Variants in IL1R2 observed in about 807,000 individuals in gnomAD.
The protein encoded by IL1R2 is interleukin-1 receptor type 2.
A neutral mutation model predicts 39.5 loss-of-function variants in IL1R2; 46 were observed. The ratio of observed to expected loss-of-function variants is 1.16; its 90% CI spans 0.92 to 1.49. IL1R2 has a LOEUF of 1.49. Among genes scored for constraint, IL1R2 ranks in the 40% most tolerant of loss-of-function variants. The pLI is 0.00. For synonymous variants in IL1R2, 207 were observed against 189.6 expected (o/e 1.09, Z -0.75); for missense variants, 537 against 502.0 (o/e 1.07, Z -0.67).
chr2:101,992,135 AAG>A (rs1275487844), intron 1 of IL1R2, 124 bp downstream of exon 1: 4 of 140,946 alleles, frequency 2.8e-5, no homozygotes, highest in African/African-American at 1.1e-4. Context: ...GGGAAAGGCA[AAG>A]AGAGGCAGAG....
intron 3 of IL1R2, among the ~76,000 whole-genome samples, chr2:102,010,805 A>G (rs1676582916): frequency 6.6e-6 from 1 of 152,188 alleles, no homozygotes; most frequent in Non-Finnish European, 1.5e-5. Context: ...TTTAGTGTAC[A>G]GATCAGTGGC....
chr2:101,998,267 G>T (rs938784600), intron 1 of IL1R2, among the ~76,000 whole-genome samples: 2 of 152,172 alleles, frequency 1.3e-5, no homozygotes, highest in African/African-American at 4.8e-5. Flanking sequence ...AGGGACTGCT[G>T]GTGTCTGCGC....
In IL1R2 at chr2:102,002,713, T is replaced by C. The variant is rs183382512; in HGVS notation, c.-61-5802T>C. 4.0e-3 allele frequency among the ~76,000 whole-genome samples: 616 copies of C among 152,332 alleles called. 4 individuals are homozygous for C. Among genetic ancestry groups the C allele is most frequent in the African/African-American group, 0.014 (583 of 41,530 alleles). On this transcript the variant is annotated intron_variant, in intron 1 of 8. Coordinates refer to ENST00000332549, the MANE Select transcript of IL1R2 (RefSeq NM_004633.4). ...CTAAGTCTATGTCTAGGTCTATGTCTATGTCTATGCCTATGCCTATGTCTA... is the reference window on the plus strand; with the variant it reads ...CTAAGTCTATGTCTAGGTCTATGTCCATGTCTATGCCTATGCCTATGTCTA...
chr2:102,003,445 G>T (rs1243669572), intron 1 of IL1R2, among the ~76,000 whole-genome samples: 2 of 118,862 alleles, frequency 1.7e-5, no homozygotes, highest in African/African-American at 3.3e-5. Flanking sequence ...TCTGTGTCTG[G>T]CTGTGGCTGT....
rs3218864 is a variant in IL1R2, at chr2:102,010,961, A to G, written c.332+1135A>G. 8.7e-3 allele frequency among the ~76,000 whole-genome samples: 1,327 copies of G among 152,278 alleles called. 22 individuals carry two copies. The highest frequency in any genetic ancestry group is 0.03 in the African/African-American group (1,265 of 41,546). On this transcript the variant is annotated intron_variant, in intron 3 of 8. Transcript: ENST00000332549. Reference sequence around the variant, plus strand: ...CCGACTCTATGATTTTGACGACTCTAGGTACCTCGTTTAAATCGTTTAAGT... The same window carrying G: ...CCGACTCTATGATTTTGACGACTCTGGGTACCTCGTTTAAATCGTTTAAGT...
At chr2:102,007,681 T>G (rs1230276645) in intron 1 of IL1R2, among the ~76,000 whole-genome samples, 1 of 152,184 alleles carries the variant, frequency 6.6e-6, no homozygotes, top group East Asian at 1.9e-4. Flanking sequence ...AGGGCTTCAA[T>G]ATGTAAAGTT....
chr2:101,992,622 CAGAGAGACAG>C (rs1243245440), intron 1 of IL1R2, among the ~76,000 whole-genome samples: 1 of 138,712 alleles, frequency 7.2e-6, no homozygotes, highest in Non-Finnish European at 1.6e-5. Flanking sequence ...CAGAGAGAGG[CAGAGAGACAG>C]AGAGAGGCAG....
chr2:102,022,377 A>G, intron 6 of IL1R2, 128 bp downstream of exon 6: 1 of 746,988 alleles, frequency 1.3e-6, no homozygotes, highest in Non-Finnish European at 2.4e-6. Flanking sequence ...CTGGGTGGAG[A>G]CCTTAGAACT....
chr2:102,028,496 C>A lies in IL1R2; in HGVS notation c.*104C>A. 4.2e-6 allele frequency: 4 copies of A among 961,816 alleles called. No homozygotes were observed. The highest frequency in any genetic ancestry group is 6.0e-6 in the Non-Finnish European group (4 of 670,824). 59.6% of individuals were successfully genotyped at this position (961,816 alleles called of 1,614,324 possible). On this transcript the variant is annotated 3_prime_UTR_variant, in exon 9 of 9. Coordinates refer to ENST00000332549, the MANE Select transcript of IL1R2 (RefSeq NM_004633.4). ...TCTGTTCTTTGCCTCAGTTGTCTAC[C>A]AAAGGTGCCACATTTATAGTGGCTT...
At chr2:102,009,514 G>C in intron 2 of IL1R2, 48 bp from the exon 3 acceptor site, 1 of 1,590,624 alleles carries the variant, frequency 6.3e-7, no homozygotes, top group Non-Finnish European at 8.6e-7. Flanking sequence ...TTTATGATCT[G>C]AGCAAGTTTT....
At chr2:101,994,527 G>A (rs1675497063) in intron 1 of IL1R2, among the ~76,000 whole-genome samples, 1 of 152,344 alleles carries the variant, frequency 6.6e-6, no homozygotes, top group Admixed American at 6.5e-5. Flanking sequence ...AGGGCTGAAT[G>A]TCTGATTCAG....
chr2:102,015,368 C>G (rs13403062), intron 3 of IL1R2, among the ~76,000 whole-genome samples: 1 of 152,174 alleles, frequency 6.6e-6, no homozygotes, highest in Non-Finnish European at 1.5e-5. Flanking sequence ...TGTTACGACA[C>G]TTGTTGCCCC....
chr2:102,008,686 T>C, intron 2 of IL1R2, 44 bp downstream of exon 2: 1 of 1,505,112 alleles, frequency 6.6e-7, no homozygotes, highest in Non-Finnish European at 9.3e-7. Flanking sequence ...TGCCTGTAGC[T>C]TCGCTGGGGA....
intron 3 of IL1R2, chr2:102,010,063 CT>C (rs1353480148): frequency 1.8e-6 from 1 of 543,488 alleles, no homozygotes; most frequent in East Asian, 3.1e-5. Flanking sequence ...GCCATTTTAG[CT>C]GACACCGCCC....
chr2:102,023,483 T>C (rs1677523585), intron 6 of IL1R2: 1 of 152,080 alleles, frequency 6.6e-6, no homozygotes, highest in African/African-American at 2.4e-5. Flanking sequence ...GATTAGTAGG[T>C]TGTTACGGCT....
At chr2:102,009,992 T>C (rs1676520305) in intron 3 of IL1R2, 166 bp downstream of exon 3, 4 of 738,018 alleles carry the variant, frequency 5.4e-6, no homozygotes, top group Non-Finnish European at 8.7e-6. Context: ...AACCCTACAG[T>C]CTCATTCTGT....
At chr2:102,013,836 A>T (rs948206262) in intron 3 of IL1R2, among the ~76,000 whole-genome samples, 1 of 152,118 alleles carries the variant, frequency 6.6e-6, no homozygotes, top group Non-Finnish European at 1.5e-5. Context: ...TACAACTTTC[A>T]TGTAGAAGGG....
At chr2:102,013,553 G>GAA (rs1676782367) in intron 3 of IL1R2, among the ~76,000 whole-genome samples, 1 of 36,338 alleles carries the variant, frequency 2.8e-5, no homozygotes, top group Non-Finnish European at 5.2e-5. Context: ...AAAAAAAAAA[G>GAA]GAAAGAAAGA....
chr2:102,008,604 G>A lies in IL1R2; in HGVS notation c.29G>A (p.Gly10Glu). MLRLYVLVMGVSAFTLQPAA... is the reference protein window; with the variant it reads MLRLYVLVMEVSAFTLQPAA... ...TTGCGCTTGTACGTGTTGGTAATGG[G>A]AGTTTCTGCCTTCACCCTTCAGCCT... is the stretch of plus-strand genomic sequence containing the variant. Residue 10 changes from glycine (G) to glutamate (E), a missense_variant, in exon 2 of 9, where the codon GGA (glycine) becomes GAA (glutamate). Physicochemically the swap from Gly to Glu is moderately conservative, Grantham distance 98. Coordinates refer to ENST00000332549, the MANE Select transcript of IL1R2 (RefSeq NM_004633.4). 1 of 1,614,138 alleles carries A rather than the reference G, an allele frequency of 6.2e-7. No individual in the cohort carries two copies. Among genetic ancestry groups the A allele is most frequent in the Non-Finnish European group, 8.5e-7 (1 of 1,180,022 alleles).
Sources: allele counts gnomAD v4.1 joint callset (sites outside exome capture counted in the v4.1 genomes callset), GRCh38; gene constraint gnomAD v4.1.1; transcripts MANE v1.5; gene names NCBI Gene and HGNC (gene_info 2026-07-23, HGNC 2026-07-21).